PRKCE: variants seen among roughly 807,000 people sequenced by gnomAD.
PRKCE encodes protein kinase C epsilon type.
A neutral mutation model predicts 85.4 loss-of-function variants in PRKCE; 16 were observed. The ratio of observed to expected loss-of-function variants is 0.19; its 90% CI spans 0.13 to 0.28. The LOEUF (loss-of-function observed/expected upper bound fraction) is 0.28. Among genes scored for constraint, PRKCE ranks in the 10% least tolerant of loss-of-function variants. The pLI is 1.00. For missense variants in PRKCE, 573 were observed against 975.2 expected, an observed-to-expected ratio of 0.59 and a Z score of 5.49; for synonymous variants, 388 against 371.5, an observed-to-expected ratio of 1.04 and a Z score of -0.51.
At chr2:45,743,571 A>G (rs1682763511) in intron 1 of PRKCE, among the ~76,000 whole-genome samples, 2 of 151,872 alleles carry the variant, frequency 1.3e-5, no homozygotes, top group South Asian at 4.2e-4. Context: ...GTAGGAAGTT[A>G]GCTCATCCCT....
intron 6 of PRKCE, among the ~76,000 whole-genome samples, chr2:45,995,619 G>A (rs1220680435): frequency 2.0e-5 from 3 of 152,046 alleles, no homozygotes; most frequent in African/African-American, 7.2e-5. Context: ...CCATTTTATT[G>A]CCTTTGCTTC....
chr2:45,696,068 C>T (rs1263696154), intron 1 of PRKCE, among the ~76,000 whole-genome samples: 4 of 150,732 alleles, frequency 2.7e-5, no homozygotes, highest in African/African-American at 7.3e-5. Flanking sequence ...TTAGGTATAT[C>T]TCCTAATGCT....
chr2:45,710,836 G>A lies in PRKCE; in HGVS notation c.348+58388G>A, dbSNP rs143945308. Among the ~76,000 whole-genome samples, 3 of 152,348 alleles carry A rather than the reference G, an allele frequency of 2.0e-5. No homozygotes were observed. In the East Asian group the frequency reaches 5.8e-4, roughly 29 times the overall value. On this transcript the variant is annotated intron_variant, in intron 1 of 14. Transcript: ENST00000306156. ...GCAGACCCTCACCCCTAAAGGATCG[G>A]GGTGTTTTACTGCCTGGCAGGCCAG...
At chr2:46,115,303 A>G (rs1672662461) in intron 11 of PRKCE, among the ~76,000 whole-genome samples, 1 of 152,252 alleles carries the variant, frequency 6.6e-6, no homozygotes. Context: ...CCATCCTGCC[A>G]GGTCCCTGTG....
intron 1 of PRKCE, among the ~76,000 whole-genome samples, chr2:45,764,702 T>G (rs529729461): frequency 6.6e-6 from 1 of 152,174 alleles, no homozygotes; most frequent in Non-Finnish European, 1.5e-5. Context: ...GTAAGCCCAT[T>G]TAGAAATAAG....
intron 2 of PRKCE, among the ~76,000 whole-genome samples, chr2:45,873,770 C>T (rs922759181): frequency 3.9e-5 from 6 of 152,230 alleles, no homozygotes; most frequent in African/African-American, 1.4e-4. Flanking sequence ...TCCCTGAGAG[C>T]AGTCCTCCCT....
intron 1 of PRKCE, chr2:45,675,632 C>G (rs1214842216): frequency 6.6e-6 from 1 of 152,252 alleles, no homozygotes; most frequent in Non-Finnish European, 1.5e-5. Flanking sequence ...TCCCTCCAGC[C>G]CTGCTCCTTT....
intron 1 of PRKCE, among the ~76,000 whole-genome samples, chr2:45,751,434 G>A (rs1006987896): frequency 4.6e-5 from 7 of 152,118 alleles, no homozygotes; most frequent in Admixed American, 1.3e-4. Context: ...AAACAGGGCC[G>A]TGTCTTGTTA....
rs531305212 is a variant in PRKCE at position 45,894,845 on chromosome 2, C to G, written c.412+51782C>G. Among the ~76,000 whole-genome samples, 10 of 152,310 alleles carry G rather than the reference C, an allele frequency of 6.6e-5. No homozygotes were observed. In the East Asian group the frequency reaches 1.9e-3, roughly 29 times the overall value. On this transcript the variant is annotated intron_variant, in intron 2 of 14. Coordinates refer to ENST00000306156, the MANE Select transcript of PRKCE (RefSeq NM_005400.3). ...TCAAGCAATTCTCCTGCCCCAGCCT[C>G]CCGAGTAGTTGGGATTACAGGTGCC...
intron 10 of PRKCE, among the ~76,000 whole-genome samples, chr2:46,054,866 G>C (rs933105970): frequency 6.6e-6 from 1 of 152,012 alleles, no homozygotes; most frequent in Non-Finnish European, 1.5e-5. Flanking sequence ...GTGCATCAGA[G>C]ACTATGGGCG....
chr2:45,760,627 G>T (rs1206363957), intron 1 of PRKCE, among the ~76,000 whole-genome samples: 4 of 152,174 alleles, frequency 2.6e-5, no homozygotes, highest in Non-Finnish European at 5.9e-5. Context: ...GCTTTTAGGG[G>T]CTCTGGCTTG....
chr2:45,889,737 T>G (rs927508541), intron 2 of PRKCE, among the ~76,000 whole-genome samples: 1 of 152,204 alleles, frequency 6.6e-6, no homozygotes, highest in Non-Finnish European at 1.5e-5. Flanking sequence ...TGAGCGTGCT[T>G]GTGGCTCCCT....
intron 1 of PRKCE, among the ~76,000 whole-genome samples, chr2:45,703,512 T>C (rs1269697227): frequency 6.6e-6 from 1 of 150,960 alleles, no homozygotes; most frequent in African/African-American, 2.4e-5. Flanking sequence ...CACTCTAGCC[T>C]GGGTGACAGA....
intron 2 of PRKCE, among the ~76,000 whole-genome samples, chr2:45,971,821 T>C (rs558767097): frequency 2.6e-4 from 40 of 152,376 alleles, no homozygotes; most frequent in African/African-American, 9.4e-4. Context: ...TTTGTGTGTA[T>C]GTGATGAATA....
At chr2:45,903,834 C>G (rs905499313) in intron 2 of PRKCE, among the ~76,000 whole-genome samples, 4 of 151,988 alleles carry the variant, frequency 2.6e-5, no homozygotes, top group Admixed American at 2.6e-4. Context: ...TTCATCATAT[C>G]CCCCTCAGTT....
chr2:45,657,643 G>A (rs1675440066), intron 1 of PRKCE, among the ~76,000 whole-genome samples: 1 of 152,074 alleles, frequency 6.6e-6, no homozygotes, highest in South Asian at 2.1e-4. Context: ...TCTTCAGTCT[G>A]GCCATCTCAT....
intron 14 of PRKCE, among the ~76,000 whole-genome samples, chr2:46,178,432 T>G (rs1176482057): frequency 6.6e-6 from 1 of 152,220 alleles, no homozygotes; most frequent in African/African-American, 2.4e-5. Flanking sequence ...CAGATGATTA[T>G]GTTTAGAGAA....
At chr2:45,879,509 CCAGATGGCAAAGCTAAAAGAGCACTG>C (rs1423777299) in intron 2 of PRKCE, among the ~76,000 whole-genome samples, 13 of 152,222 alleles carry the variant, frequency 8.5e-5, no homozygotes, top group Non-Finnish European at 1.5e-4. Context: ...TAAGCTGTCC[CCAGATGGCAAAGCTAAAAGAGCACTG>C]CCTGTAACAC....
At chr2:46,107,609 G>C (rs1426885455) in intron 11 of PRKCE, among the ~76,000 whole-genome samples, 2 of 152,226 alleles carry the variant, frequency 1.3e-5, no homozygotes, top group Non-Finnish European at 2.9e-5. Context: ...GGAAGACTGT[G>C]CTTAGCTTGG....
Sources: gnomAD v4.1 joint callset for allele counts (sites outside exome capture counted in the v4.1 genomes callset) on GRCh38, gnomAD v4.1.1 for gene constraint, MANE v1.5 for transcripts, NCBI Gene and HGNC (gene_info 2026-07-23, HGNC 2026-07-21) for gene names.